Variants in SRD5A2 observed in about 807,000 individuals in gnomAD.
SRD5A2 encodes the protein steroid 5 alpha-reductase 2.
In SRD5A2, 30 loss-of-function variants were observed where a neutral mutation model predicts 27.4. The ratio of observed to expected loss-of-function variants is 1.10; its 90% CI spans 0.82 to 1.49. The LOEUF (loss-of-function observed/expected upper bound fraction) is 1.49. Among genes scored for constraint, SRD5A2 ranks in the 40% most tolerant of loss-of-function variants. The pLI, the probability that SRD5A2 is intolerant of heterozygous loss-of-function variation, is 0.00. For synonymous variants in SRD5A2, 141 were observed against 133.6 expected (o/e 1.06, Z -0.38); for missense variants, 348 against 323.4 (o/e 1.08, Z -0.58).
At chr2:31,532,265 T>C (rs538401912) in intron 2 of SRD5A2, among the ~76,000 whole-genome samples, 2 of 152,250 alleles carry the variant, frequency 1.3e-5, no homozygotes, top group South Asian at 4.2e-4. Flanking sequence ...TATGGTTTTC[T>C]GAACGCATTC....
chr2:31,533,818 G>C (rs1665969187), intron 1 of SRD5A2, 52 bp from the exon 2 acceptor site: 1 of 1,549,002 alleles, frequency 6.5e-7, no homozygotes, highest in African/African-American at 1.4e-5. Context: ...AAAGAACATG[G>C]TCTCATCCCC....
chr2:31,608,435 GA>G, the SRD5A2 span, among the ~76,000 whole-genome samples: 5 of 151,750 alleles, frequency 3.3e-5, no homozygotes, highest in African/African-American at 1.2e-4. Context: ...GGCAGGAAAG[GA>G]AAACCAAAAC....
the SRD5A2 span, among the ~76,000 whole-genome samples, chr2:31,593,517 C>A: frequency 2.6e-5 from 4 of 152,112 alleles, no homozygotes; most frequent in African/African-American, 9.7e-5. Context: ...AAACAATTAA[C>A]AAAACCTCCA....
At chr2:31,625,632 T>C in the SRD5A2 span, among the ~76,000 whole-genome samples, 67 of 152,168 alleles carry the variant, frequency 4.4e-4, 1 homozygote, top group African/African-American at 1.4e-3. Context: ...TTTCCCCATT[T>C]CTTCTTTTTG....
At chr2:31,656,462 C>T in the SRD5A2 span, among the ~76,000 whole-genome samples, 1 of 152,178 alleles carries the variant, frequency 6.6e-6, no homozygotes, top group African/African-American at 2.4e-5. Context: ...AACTGAATCC[C>T]CTTGTGGTGA....
At chr2:31,531,933 G>A (rs984696855) in intron 2 of SRD5A2, among the ~76,000 whole-genome samples, 1 of 152,174 alleles carries the variant, frequency 6.6e-6, no homozygotes, top group Non-Finnish European at 1.5e-5. Flanking sequence ...CCACCAATAA[G>A]ATGTAAAGTG....
the SRD5A2 span, among the ~76,000 whole-genome samples, chr2:31,622,306 C>T: frequency 2.0e-5 from 3 of 152,190 alleles, no homozygotes; most frequent in African/African-American, 7.2e-5. Flanking sequence ...GATCTCATTC[C>T]TTTTTCTAGC....
At chr2:31,616,360 C>T in the SRD5A2 span, among the ~76,000 whole-genome samples, 31 of 152,198 alleles carry the variant, frequency 2.0e-4, 1 homozygote, top group South Asian at 2.7e-3. Context: ...CAGCTTGCAG[C>T]GTGCACCTGG....
At chr2:31,589,787 T>A in the SRD5A2 span, among the ~76,000 whole-genome samples, 5 of 151,908 alleles carry the variant, frequency 3.3e-5, no homozygotes, top group African/African-American at 1.2e-4. Flanking sequence ...TTGCAGAAGC[T>A]GCAGCTGAAG....
At chr2:31,580,185 C>G (rs960643981) in intron 1 of SRD5A2, among the ~76,000 whole-genome samples, 1 of 152,210 alleles carries the variant, frequency 6.6e-6, no homozygotes, top group Non-Finnish European at 1.5e-5. Flanking sequence ...ACTAATCTGT[C>G]CCCACCCTGC....
intron 1 of SRD5A2, among the ~76,000 whole-genome samples, chr2:31,550,358 C>T (rs1666358911): frequency 6.7e-6 from 1 of 150,020 alleles, no homozygotes; most frequent in Non-Finnish European, 1.5e-5. Flanking sequence ...AATAGAAGAG[C>T]TTCTCAATTC....
At chr2:31,533,120 G>A (rs1436096521) in intron 2 of SRD5A2, among the ~76,000 whole-genome samples, 1 of 152,110 alleles carries the variant, frequency 6.6e-6, no homozygotes, top group Non-Finnish European at 1.5e-5. Context: ...TATATGTGTA[G>A]CCCAAGGCAA....
intron 1 of SRD5A2, among the ~76,000 whole-genome samples, chr2:31,545,869 G>A (rs1434957563): frequency 6.6e-6 from 1 of 152,108 alleles, no homozygotes; most frequent in East Asian, 1.9e-4. Flanking sequence ...AAGCAAAGTA[G>A]CAGGATAGAG....
At chr2:31,579,534 G>T (rs1054682699) in intron 1 of SRD5A2, among the ~76,000 whole-genome samples, 1 of 152,148 alleles carries the variant, frequency 6.6e-6, no homozygotes, top group Non-Finnish European at 1.5e-5. Context: ...TACTTAAAAC[G>T]GCTAAAAGGT....
chr2:31,611,059 A>G, the SRD5A2 span, among the ~76,000 whole-genome samples: 1 of 152,172 alleles, frequency 6.6e-6, no homozygotes, highest in African/African-American at 2.4e-5. Context: ...CAGTGAGCCA[A>G]GATTGCACCA....
At chr2:31,657,924 C>T in the SRD5A2 span, among the ~76,000 whole-genome samples, 9 of 151,810 alleles carry the variant, frequency 5.9e-5, no homozygotes, top group Non-Finnish European at 1.2e-4. Context: ...GAAATACAAA[C>T]AAAAATCATC....
chr2:31,540,074 T>G (rs1666100365), intron 1 of SRD5A2, among the ~76,000 whole-genome samples: 1 of 152,204 alleles, frequency 6.6e-6, no homozygotes, highest in Admixed American at 6.5e-5. Flanking sequence ...ACGGGAAGTA[T>G]GTTTTCTACA....
chr2:31,531,354 G>A lies in SRD5A2; in HGVS notation c.547+17C>T, dbSNP rs764786456. 1.3e-6 allele frequency: 2 copies of A among 1,542,284 alleles called. No individual in the cohort carries two copies. The highest frequency in any genetic ancestry group is 1.2e-5 in the South Asian group (1 of 84,452). On this transcript the variant is annotated intron_variant, in intron 3 of 4. Coordinates refer to ENST00000622030, the MANE Select transcript of SRD5A2 (RefSeq NM_000348.4). ...CTCCAGGGAAGAGTGAGAGTCTGGG[G>A]GCAGGGGAGACATTACCTTGTGGAA...
At chr2:31,540,670 A>G (rs1020104220) in intron 1 of SRD5A2, among the ~76,000 whole-genome samples, 2 of 152,200 alleles carry the variant, frequency 1.3e-5, no homozygotes, top group African/African-American at 4.8e-5. Flanking sequence ...GAAGGCTTGC[A>G]ACTTTCAGGG....
Sources: gnomAD v4.1 joint callset for allele counts (sites outside exome capture counted in the v4.1 genomes callset) on GRCh38, gnomAD v4.1.1 for gene constraint, MANE v1.5 for transcripts, NCBI Gene and HGNC (gene_info 2026-07-23, HGNC 2026-07-21) for gene names.